Variants in SCHIP1 observed in about 807,000 individuals in gnomAD.
The protein encoded by SCHIP1 is schwannomin-interacting protein 1.
In SCHIP1, 8 loss-of-function variants were observed where a neutral mutation model predicts 29.7. The observed-to-expected ratio is 0.27, with a 90% CI of 0.16 to 0.49. The LOEUF (loss-of-function observed/expected upper bound fraction) is 0.49, where lower values mean the gene tolerates loss of function less well. SCHIP1 is among the 20% of genes least tolerant of loss of function. The probability of loss-of-function intolerance (pLI) is 0.99; values close to 1 mark genes in which losing one functional copy is unlikely to be tolerated. For missense variants in SCHIP1, 193 were observed against 294.6 expected, an observed-to-expected ratio of 0.66 and a Z score of 2.52; for synonymous variants, 76 against 94.9, an observed-to-expected ratio of 0.80 and a Z score of 1.16.
chr3:159,715,180 G>T, the SCHIP1 span, among the ~76,000 whole-genome samples: 2 of 152,210 alleles, frequency 1.3e-5, no homozygotes, highest in African/African-American at 2.4e-5. Context: ...GCAGCTGAAG[G>T]TTCTGACTGT....
the SCHIP1 span, among the ~76,000 whole-genome samples, chr3:159,543,506 T>C: frequency 6.6e-6 from 1 of 151,410 alleles, no homozygotes; most frequent in African/African-American, 2.4e-5. Flanking sequence ...CTGAGAATTA[T>C]GATTTCCAAT....
At chr3:159,740,384 G>A in the SCHIP1 span, among the ~76,000 whole-genome samples, 1 of 152,108 alleles carries the variant, frequency 6.6e-6, no homozygotes, top group Non-Finnish European at 1.5e-5. Context: ...GGAGAGTTGG[G>A]GAGTCACCTA....
chr3:159,382,215 C>G, the SCHIP1 span, among the ~76,000 whole-genome samples: 2 of 86,100 alleles, frequency 2.3e-5, no homozygotes, highest in African/African-American at 9.5e-5. Flanking sequence ...CCATTAACTC[C>G]TCATTTAGCA....
At chr3:159,588,295 T>C in the SCHIP1 span, among the ~76,000 whole-genome samples, 30,964 of 152,042 alleles carry the variant, frequency 0.2, 8,582 homozygotes, top group African/African-American at 0.63. Context: ...TCATATCCTT[T>C]GCCCACTTTT....
the SCHIP1 span, among the ~76,000 whole-genome samples, chr3:159,527,130 C>G: frequency 2.0e-5 from 3 of 152,182 alleles, no homozygotes; most frequent in South Asian, 6.2e-4. Context: ...AATTCCCTTT[C>G]ACAACTTTCT....
chr3:159,540,131 T>C, the SCHIP1 span, among the ~76,000 whole-genome samples: 2 of 152,084 alleles, frequency 1.3e-5, no homozygotes, highest in African/African-American at 4.8e-5. Flanking sequence ...CCACTTCCCT[T>C]TTATATCTCC....
chr3:159,500,353 G>A, the SCHIP1 span, among the ~76,000 whole-genome samples: 2 of 152,020 alleles, frequency 1.3e-5, no homozygotes, highest in Non-Finnish European at 2.9e-5. Context: ...TAAATAGTTA[G>A]CTTAGTTACT....
chr3:159,567,582 C>G, the SCHIP1 span, among the ~76,000 whole-genome samples: 1 of 152,104 alleles, frequency 6.6e-6, no homozygotes, highest in East Asian at 1.9e-4. Flanking sequence ...ATTTGTTAAG[C>G]TCCACATATG....
At chr3:159,552,383 A>G in the SCHIP1 span, among the ~76,000 whole-genome samples, 1 of 152,122 alleles carries the variant, frequency 6.6e-6, no homozygotes, top group Non-Finnish European at 1.5e-5. Flanking sequence ...ATTTTTGGAC[A>G]ATGACCACAG....
intron 6 of SCHIP1, chr3:159,894,728 A>G (rs1717889030): frequency 6.6e-6 from 1 of 151,170 alleles, no homozygotes; most frequent in Non-Finnish European, 1.5e-5. Context: ...AAAAAAAAAA[A>G]GAGTTTTGGT....
At chr3:159,285,707 A>G in the SCHIP1 span, among the ~76,000 whole-genome samples, 2 of 152,162 alleles carry the variant, frequency 1.3e-5, no homozygotes, top group African/African-American at 2.4e-5. Flanking sequence ...ATAATAATAC[A>G]TGTATCTAGT....
At chr3:159,751,826 G>A in the SCHIP1 span, among the ~76,000 whole-genome samples, 478 of 152,284 alleles carry the variant, frequency 3.1e-3, 3 homozygotes, top group African/African-American at 0.011. Context: ...GGGATTACAG[G>A]TGTGAGACAC....
the SCHIP1 span, among the ~76,000 whole-genome samples, chr3:159,328,090 G>A: frequency 6.6e-6 from 1 of 152,080 alleles, no homozygotes; most frequent in African/African-American, 2.4e-5. Context: ...ATCCAACATA[G>A]TAGTCATTAG....
At chr3:159,734,522 C>T in the SCHIP1 span, among the ~76,000 whole-genome samples, 5 of 152,108 alleles carry the variant, frequency 3.3e-5, no homozygotes, top group Admixed American at 1.3e-4. Context: ...CACTCAATGA[C>T]TCTCCCCGCC....
chr3:159,843,586 C>T (rs577949460), intron 1 of SCHIP1, among the ~76,000 whole-genome samples: 9 of 151,834 alleles, frequency 5.9e-5, no homozygotes, highest in Non-Finnish European at 8.8e-5. Flanking sequence ...TTTGGGAGGC[C>T]GAGGGCTGCG....
the SCHIP1 span, among the ~76,000 whole-genome samples, chr3:159,311,552 A>G: frequency 2.6e-5 from 4 of 152,148 alleles, no homozygotes; most frequent in African/African-American, 9.6e-5. Context: ...TAATAATCAA[A>G]TGCAACACTC....
chr3:159,630,231 A>G, the SCHIP1 span, among the ~76,000 whole-genome samples: 1 of 152,228 alleles, frequency 6.6e-6, no homozygotes, highest in Non-Finnish European at 1.5e-5. Flanking sequence ...AGAAAAACAC[A>G]CATATGATTA....
chr3:159,843,449 T>C (rs1029488919), intron 1 of SCHIP1, among the ~76,000 whole-genome samples: 2 of 152,200 alleles, frequency 1.3e-5, no homozygotes, highest in Non-Finnish European at 2.9e-5. Flanking sequence ...TTGTTCTGTC[T>C]GCTTTCTCAG....
the SCHIP1 span, among the ~76,000 whole-genome samples, chr3:159,342,480 G>A: frequency 6.6e-6 from 1 of 152,100 alleles, no homozygotes; most frequent in Admixed American, 6.6e-5. Context: ...GACATATAGT[G>A]CAGGAAATAT....
Sources: gnomAD v4.1 joint callset for allele counts (sites outside exome capture counted in the v4.1 genomes callset) on GRCh38, gnomAD v4.1.1 for gene constraint, MANE v1.5 for transcripts, NCBI Gene and HGNC (gene_info 2026-07-23, HGNC 2026-07-21) for gene names.